The following SYT1 variants were observed in gnomAD, a reference collection of about 807,000 sequenced individuals.
SYT1 encodes the protein synaptotagmin 1.
In SYT1, 8 loss-of-function variants were observed where a neutral mutation model predicts 44.8. The observed-to-expected ratio is 0.18, with a 90% CI of 0.10 to 0.32. SYT1 has a LOEUF of 0.32. Among genes scored for constraint, SYT1 ranks in the 10% least tolerant of loss-of-function variants. The probability of loss-of-function intolerance (pLI) is 1.00; values close to 1 mark genes in which losing one functional copy is unlikely to be tolerated. For synonymous variants in SYT1, 154 were observed against 188.8 expected (o/e 0.82, Z 1.51); for missense variants, 286 against 509.3 (o/e 0.56, Z 4.22).
intron 3 of SYT1, among the ~76,000 whole-genome samples, chr12:79,099,661 GT>G (rs199537163): frequency 1.6e-4 from 22 of 141,146 alleles, no homozygotes; most frequent in South Asian, 2.6e-4. Flanking sequence ...AAAAGAATGA[GT>G]TTTTTTTTTA....
intron 3 of SYT1, among the ~76,000 whole-genome samples, chr12:79,122,275 G>A (rs574183851): frequency 4.0e-5 from 6 of 151,828 alleles, no homozygotes; most frequent in African/African-American, 1.2e-4. Context: ...AGCACTTTGG[G>A]AGGCCGAGGC....
intron 2 of SYT1, among the ~76,000 whole-genome samples, chr12:79,021,478 TAAAATACTG>T (rs1382157129): frequency 6.6e-6 from 1 of 151,848 alleles, no homozygotes; most frequent in Non-Finnish European, 1.5e-5. Context: ...GAGATGAGCC[TAAAATACTG>T]AAAATATCTC....
intron 4 of SYT1, among the ~76,000 whole-genome samples, chr12:79,242,877 T>G (rs888781475): frequency 2.6e-5 from 4 of 152,198 alleles, no homozygotes; most frequent in African/African-American, 9.7e-5. Flanking sequence ...AAATGGTGTA[T>G]TAGTCATTTT....
intron 3 of SYT1, among the ~76,000 whole-genome samples, chr12:79,207,309 T>G (rs1467815820): frequency 6.6e-6 from 1 of 152,226 alleles, no homozygotes; most frequent in African/African-American, 2.4e-5. Flanking sequence ...ACCCACCACC[T>G]TTAGGATCAA....
intron 4 of SYT1, among the ~76,000 whole-genome samples, chr12:79,260,326 G>C (rs1877761360): frequency 6.6e-6 from 1 of 152,062 alleles, no homozygotes; most frequent in African/African-American, 2.4e-5. Context: ...AGAAGCACAA[G>C]GTACTTCCTC....
intron 4 of SYT1, among the ~76,000 whole-genome samples, chr12:79,261,003 A>G (rs1007044248): frequency 6.6e-6 from 1 of 152,032 alleles, no homozygotes; most frequent in African/African-American, 2.4e-5. Flanking sequence ...CTCAGGGGTC[A>G]CCTCGCTGTT....
At chr12:79,333,032 A>G (rs1304283520) in intron 8 of SYT1, among the ~76,000 whole-genome samples, 1 of 152,186 alleles carries the variant, frequency 6.6e-6, no homozygotes, top group African/African-American at 2.4e-5. Flanking sequence ...TACAATTCTC[A>G]TAGCATTCCA....
At chr12:79,139,626 A>G (rs1715434245) in intron 3 of SYT1, among the ~76,000 whole-genome samples, 1 of 152,198 alleles carries the variant, frequency 6.6e-6, no homozygotes, top group South Asian at 2.1e-4. Context: ...AAAAATGATG[A>G]CATCCTCCTT....
At chr12:79,169,954 T>C (rs924239253) in intron 3 of SYT1, among the ~76,000 whole-genome samples, 3 of 152,040 alleles carry the variant, frequency 2.0e-5, no homozygotes, top group Non-Finnish European at 4.4e-5. Context: ...TGGTATTCGG[T>C]TTTCTGTTCC....
intron 3 of SYT1, among the ~76,000 whole-genome samples, chr12:79,083,771 A>AAGGG (rs1877196482): frequency 6.6e-6 from 1 of 152,260 alleles, no homozygotes; most frequent in South Asian, 2.1e-4. Context: ...TTTGAGAAGG[A>AAGGG]AGGGAGGGCA....
Position 79,174,472 on chromosome 12 carries a change from C to T in SYT1, c.-17-43031C>T, listed in dbSNP as rs560460116. Among the ~76,000 whole-genome samples the T allele has an allele frequency of 8.6e-5, 13 of 151,844 alleles. No homozygotes were observed. The South Asian group carries it at 2.7e-3, about 32-fold the overall frequency. The stretch of plus-strand genomic sequence containing the variant: ...GGGTTTCAATTAATAAAAAGTGTAA[C>T]GAGCCTTGAAAAAGATTTGAGAATT... On this transcript the variant is annotated intron_variant, in intron 3 of 10. Transcript: ENST00000261205.
chr12:79,357,093 A>C (rs974622492), intron 9 of SYT1, among the ~76,000 whole-genome samples: 1 of 152,240 alleles, frequency 6.6e-6, no homozygotes, highest in Admixed American at 6.5e-5. Flanking sequence ...ACATGAAAAC[A>C]TATGTAAAAT....
At chr12:79,332,875 T>A (rs572681881) in intron 8 of SYT1, among the ~76,000 whole-genome samples, 1 of 152,242 alleles carries the variant, frequency 6.6e-6, no homozygotes, top group Non-Finnish European at 1.5e-5. Flanking sequence ...TTAAATGGAC[T>A]GTGCATGAAA....
intron 8 of SYT1, among the ~76,000 whole-genome samples, chr12:79,351,440 G>A (rs1373118356): frequency 1.3e-5 from 2 of 151,792 alleles, no homozygotes; most frequent in Non-Finnish European, 2.9e-5. Context: ...GAGCAGTCAT[G>A]TCTGAAATTC....
At chr12:79,238,131 G>C (rs1165409563) in intron 4 of SYT1, among the ~76,000 whole-genome samples, 1 of 150,008 alleles carries the variant, frequency 6.7e-6, no homozygotes, top group Non-Finnish European at 1.5e-5. Context: ...TGATTGCTTG[G>C]TGTACAATAT....
intron 9 of SYT1, among the ~76,000 whole-genome samples, chr12:79,378,746 A>T (rs1884100003): frequency 6.6e-6 from 1 of 152,168 alleles, no homozygotes; most frequent in Admixed American, 6.5e-5. Context: ...AAGTATAAAG[A>T]TTGGAATCTA....
intron 3 of SYT1, among the ~76,000 whole-genome samples, chr12:79,114,053 A>G (rs1879152479): frequency 1.3e-5 from 2 of 152,156 alleles, no homozygotes; most frequent in African/African-American, 2.4e-5. Context: ...TCACTAAACA[A>G]GCAGGGTAGT....
intron 4 of SYT1, among the ~76,000 whole-genome samples, chr12:79,223,171 T>G (rs974551571): frequency 2.0e-5 from 3 of 152,234 alleles, no homozygotes; most frequent in Admixed American, 6.5e-5. Flanking sequence ...CTGATTCTTC[T>G]TGATCTTTAT....
At chr12:78,896,069 T>C (rs1875341251) in intron 1 of SYT1, among the ~76,000 whole-genome samples, 1 of 151,790 alleles carries the variant, frequency 6.6e-6, no homozygotes, top group South Asian at 2.1e-4. Flanking sequence ...ATATAGTCTG[T>C]GACAGAGCTA....
Sources: gnomAD v4.1 joint callset for allele counts (sites outside exome capture counted in the v4.1 genomes callset) on GRCh38, gnomAD v4.1.1 for gene constraint, MANE v1.5 for transcripts, NCBI Gene and HGNC (gene_info 2026-07-23, HGNC 2026-07-21) for gene names.